PCDHA8: variants seen among roughly 807,000 people sequenced by gnomAD.
The protein encoded by PCDHA8 is protocadherin alpha-8.
A neutral mutation model predicts 61.8 loss-of-function variants in PCDHA8; 53 were observed. The observed-to-expected ratio is 0.86, with a 90% confidence interval of 0.69 to 1.08. PCDHA8 has a LOEUF of 1.08. Ranked by LOEUF, PCDHA8 falls within the 50% of genes least tolerant of loss-of-function variation. The pLI is 0.00. For synonymous variants in PCDHA8, 618 were observed against 556.6 expected (o/e 1.11, Z -1.55); for missense variants, 1,293 against 1,245.0 (o/e 1.04, Z -0.58).
At chr5:140,960,208 C>T (rs1295278624) in intron 1 of PCDHA8, among the ~76,000 whole-genome samples, 2 of 151,976 alleles carry the variant, frequency 1.3e-5, no homozygotes, top group Non-Finnish European at 2.9e-5. Flanking sequence ...GATGTTATTT[C>T]AGGATCTCAA....
chr5:140,850,240 T>G, intron 1 of PCDHA8: 1 of 1,593,446 alleles, frequency 6.3e-7, no homozygotes, highest in East Asian at 2.2e-5. Flanking sequence ...GAGATGGTGC[T>G]GCGGTCGGTG....
chr5:140,922,577 T>A (rs155818), intron 1 of PCDHA8, among the ~76,000 whole-genome samples: 2 of 152,016 alleles, frequency 1.3e-5, no homozygotes, highest in East Asian at 1.9e-4. Flanking sequence ...AGTTGCCCTG[T>A]AGCCGCCAGT....
At chr5:140,942,546 TA>T (rs1380022033) in intron 1 of PCDHA8, among the ~76,000 whole-genome samples, 4 of 150,044 alleles carry the variant, frequency 2.7e-5, no homozygotes, top group African/African-American at 9.8e-5. Flanking sequence ...TGGTGGGGGG[TA>T]GGGGGTTGAG....
intron 1 of PCDHA8, among the ~76,000 whole-genome samples, chr5:140,921,467 A>G (rs1287124986): frequency 1.3e-5 from 2 of 152,204 alleles, no homozygotes; most frequent in East Asian, 1.9e-4. Flanking sequence ...TGCAACCACT[A>G]CCAAACCACT....
intron 1 of PCDHA8, chr5:140,875,493 A>T: frequency 6.2e-7 from 1 of 1,612,928 alleles, no homozygotes; most frequent in South Asian, 1.1e-5. Flanking sequence ...TCGGACCAAG[A>T]GGCCCGGGAT....
Position 140,998,902 on chromosome 5 carries a change from C to T in PCDHA8, c.2543-10725C>T, listed in dbSNP as rs148715237. On this transcript the variant is annotated intron_variant, in intron 3 of 3. Coordinates refer to ENST00000531613, the MANE Select transcript of PCDHA8 (RefSeq NM_018911.3). ...TTAGTTGAATAAATAACAATGCCTC[C>T]GGGAGGTAGCTATTATATCCATTTT... Among the ~76,000 whole-genome samples the T allele has an allele frequency of 4.2e-3, 632 of 152,216 alleles. 5 individuals are homozygous for T. Among genetic ancestry groups the T allele is most frequent in the African/African-American group, 0.014 (572 of 41,540 alleles).
chr5:140,902,419 T>C (rs2069442508), intron 1 of PCDHA8, among the ~76,000 whole-genome samples: 1 of 152,118 alleles, frequency 6.6e-6, no homozygotes, highest in Non-Finnish European at 1.5e-5. Flanking sequence ...ATAACAGTGG[T>C]GAAAGTGGGC....
chr5:140,854,692 A>G (rs1554147391), intron 1 of PCDHA8: 1 of 150,100 alleles, frequency 6.7e-6, no homozygotes, highest in African/African-American at 2.4e-5. Flanking sequence ...TCTGTTGTTA[A>G]GTTTTCCTTT....
rs781902727 is a variant in PCDHA8, at chr5:140,841,621, G to C, written c.300G>C (p.Ala100=). The change falls in exon 1 of 4, where the codon GCG becomes GCC. Residue 100 remains alanine, a synonymous_variant. Transcript: ENST00000531613. ...GCGAGGAGCTGTGCGGGCGGAGCGC[G>C]GAGTGCAGCATCCACCTGGAGGTGA... ...IDREELCGRS[A]ECSIHLEVIV... 1.2e-6 allele frequency: 2 copies of C among 1,614,032 alleles called. No individual in the cohort carries two copies. Among genetic ancestry groups the C allele is most frequent in the African/African-American group, 1.3e-5 (1 of 74,908 alleles).
At chr5:140,939,243 T>C (rs1414943094) in intron 1 of PCDHA8, among the ~76,000 whole-genome samples, 1 of 152,168 alleles carries the variant, frequency 6.6e-6, no homozygotes, top group Non-Finnish European at 1.5e-5. Context: ...AGGAGCAAGG[T>C]AGCTCTCTGG....
At chr5:140,958,700 C>G (rs2095439212) in intron 1 of PCDHA8, among the ~76,000 whole-genome samples, 1 of 152,086 alleles carries the variant, frequency 6.6e-6, no homozygotes, top group Non-Finnish European at 1.5e-5. Context: ...CCTAGAGTGA[C>G]AACTCTGTTA....
Position 140,915,075 on chromosome 5 carries a change from A to T in PCDHA8, c.2395-63874A>T, listed in dbSNP as rs111889109. ...ATTCTCCTGCCTTAGCCTACTGAGTAGCTGGGACTATGGGCACGCACCACC... is the reference window on the plus strand; with the variant it reads ...ATTCTCCTGCCTTAGCCTACTGAGTTGCTGGGACTATGGGCACGCACCACC... On this transcript the variant is annotated intron_variant, in intron 1 of 3. Transcript: ENST00000531613. 7.1e-3 allele frequency among the ~76,000 whole-genome samples: 1,070 copies of T among 151,432 alleles called. 10 individuals are homozygous for T. The highest frequency in any genetic ancestry group is 0.025 in the African/African-American group (1,035 of 41,220).
intron 3 of PCDHA8, among the ~76,000 whole-genome samples, chr5:140,992,231 G>C (rs1234271245): frequency 1.3e-5 from 2 of 152,176 alleles, no homozygotes; most frequent in African/African-American, 4.8e-5. Context: ...CCTGGGAAGA[G>C]TAAGGAAGGA....
At chr5:140,933,220 T>G (rs1179526168) in intron 1 of PCDHA8, among the ~76,000 whole-genome samples, 3 of 151,968 alleles carry the variant, frequency 2.0e-5, no homozygotes, top group African/African-American at 7.2e-5. Flanking sequence ...TCTGTTATAT[T>G]GCATTTATGA....
At chr5:140,893,104 T>A (rs2063818844) in intron 1 of PCDHA8, among the ~76,000 whole-genome samples, 1 of 152,224 alleles carries the variant, frequency 6.6e-6, no homozygotes, top group South Asian at 2.1e-4. Flanking sequence ...TGGATAATAT[T>A]CCGTTGTGCA....
At position 140,884,430 on chromosome 5, in the gene PCDHA8, T is replaced by G. The variant is rs1554181548; in HGVS notation, c.2394+40715T>G. The G allele has an allele frequency of 2.5e-6, 4 of 1,613,804 alleles. No homozygotes were observed. The African/African-American group carries it at 4.0e-5, about 16-fold the overall frequency. ...CTCACGTTGCTGCTGTATACTGCGC[T>G]GCGGTGCTCGGCACCGCCCACCGAG... On this transcript the variant is annotated intron_variant, in intron 1 of 3. Transcript: ENST00000531613.
chr5:140,903,275 T>G (rs1313552617), intron 1 of PCDHA8, among the ~76,000 whole-genome samples: 1 of 152,210 alleles, frequency 6.6e-6, no homozygotes, highest in East Asian at 1.9e-4. Context: ...TGAGGTAGTG[T>G]CTCATTGTGC....
intron 1 of PCDHA8, chr5:140,927,599 C>T (rs1250728851): frequency 6.2e-7 from 1 of 1,614,070 alleles, no homozygotes; most frequent in African/African-American, 1.3e-5. Context: ...TTTGAGCGCT[C>T]CGTATACCGC....
At position 140,975,481 on chromosome 5, in the gene PCDHA8, T is replaced by C. The variant is rs566642912; in HGVS notation, c.2395-3468T>C. Among the ~76,000 whole-genome samples, 225 of 152,370 alleles carry C rather than the reference T, an allele frequency of 1.5e-3. 1 individual carries two copies. The highest frequency in any genetic ancestry group is 5.2e-3 in the African/African-American group (216 of 41,590). ...TCTTGGAATTCTGCCTATCAGTTTA[T>C]ATCAATGTTCATAAAATAGCACTAT... On this transcript the variant is annotated intron_variant, in intron 1 of 3. Transcript: ENST00000531613.
Sources: gnomAD v4.1 joint callset for allele counts (sites outside exome capture counted in the v4.1 genomes callset) on GRCh38, gnomAD v4.1.1 for gene constraint, MANE v1.5 for transcripts, NCBI Gene and HGNC (gene_info 2026-07-23, HGNC 2026-07-21) for gene names.